The following PHF2 variants were observed in gnomAD, a reference collection of about 807,000 sequenced individuals.
PHF2 encodes the protein lysine-specific demethylase PHF2.
A neutral mutation model predicts 120.5 loss-of-function variants in PHF2; 27 were observed. The ratio of observed to expected loss-of-function variants is 0.22; its 90% CI spans 0.17 to 0.31. The LOEUF is 0.31. Ranked by LOEUF, PHF2 falls within the 10% of genes least tolerant of loss-of-function variation. The pLI is 1.00. For synonymous variants in PHF2, 568 were observed against 592.5 expected (o/e 0.96, Z 0.60); for missense variants, 1,024 against 1,434.8 (o/e 0.71, Z 4.63).
intron 1 of PHF2, among the ~76,000 whole-genome samples, chr9:93,601,901 A>G (rs970274927): frequency 5.8e-5 from 8 of 137,792 alleles, no homozygotes; most frequent in African/African-American, 2.1e-4. Context: ...AGGTTTTCTC[A>G]TGGGGATCTC....
chr9:93,649,977 ACT>A (rs1381993458), intron 5 of PHF2, among the ~76,000 whole-genome samples: 3 of 151,440 alleles, frequency 2.0e-5, no homozygotes, highest in Non-Finnish European at 2.9e-5. Flanking sequence ...CATGACACAC[ACT>A]CAGTACTCAC....
intron 1 of PHF2, among the ~76,000 whole-genome samples, chr9:93,592,855 G>A (rs1417143113): frequency 6.6e-6 from 1 of 152,074 alleles, no homozygotes; most frequent in Non-Finnish European, 1.5e-5. Flanking sequence ...GTTGTTAGAA[G>A]TATTGCTAGA....
intron 1 of PHF2, among the ~76,000 whole-genome samples, chr9:93,609,104 T>TTTTTTTTTTTTTTTTTTTTTGAG (rs1564379539): frequency 3.3e-5 from 5 of 149,754 alleles, no homozygotes; most frequent in Non-Finnish European, 6.0e-5. Context: ...GTGGTTGTTT[T>TTTTTTTTTTTTTTTTTTTTTGAG]AAAATGTGCG....
intron 5 of PHF2, among the ~76,000 whole-genome samples, chr9:93,649,497 C>T (rs1027915794): frequency 6.6e-6 from 1 of 151,170 alleles, no homozygotes; most frequent in African/African-American, 2.4e-5. Context: ...GGCAAAGCCT[C>T]CTCTGGTCTT....
rs1357567214 is a variant in PHF2, at chr9:93,666,039, G to T, written c.2166G>T (p.Lys722Asn). 1.9e-6 allele frequency: 3 copies of T among 1,613,178 alleles called. No homozygotes were observed. The highest frequency in any genetic ancestry group is 1.7e-6 in the Non-Finnish European group (2 of 1,179,604). Residue 722 changes from lysine (K) to asparagine (N), a missense_variant, in exon 16 of 22, where the codon AAG becomes AAT. Around this residue, in one of 2 missense-constraint regions of PHF2, gnomAD observed 677 missense variants for 857.4 expected, o/e 0.79. Transcript: ENST00000359246. ...TGCCCACGCCTGTCACGAAGCCAAA[G>T]CTGGACTCGGCAGCGTACAAGGTGA... ...AVLPTPVTKP[K>N]LDSAAYKSDD...
intron 1 of PHF2, among the ~76,000 whole-genome samples, chr9:93,629,218 A>G (rs1286083990): frequency 6.6e-6 from 1 of 152,086 alleles, no homozygotes; most frequent in Admixed American, 6.6e-5. Flanking sequence ...ACTTTTAACT[A>G]AAAAAAGTAT....
intron 1 of PHF2, among the ~76,000 whole-genome samples, chr9:93,624,669 ATGG>A (rs1275538584): frequency 8.8e-6 from 1 of 114,098 alleles, no homozygotes; most frequent in Non-Finnish European, 1.8e-5. Flanking sequence ...GTTGGTGGTG[ATGG>A]TGATGATGAT....
intron 1 of PHF2, among the ~76,000 whole-genome samples, chr9:93,626,416 T>G (rs150733847): frequency 9.8e-5 from 15 of 152,376 alleles, no homozygotes; most frequent in African/African-American, 3.6e-4. Flanking sequence ...TACCTGTTTA[T>G]TAATCGGATT....
At position 93,677,108 on chromosome 9, in the gene PHF2, A is replaced by G; in HGVS notation, c.3202+145A>G. ...TTGGGTGGCAGGGTGCTGTGGTCCA[A>G]GTTGGTTGCATCTTTGTGTGAGCGT... is the stretch of plus-strand genomic sequence containing the variant. On this transcript the variant is annotated intron_variant, in intron 21 of 21. Transcript: ENST00000359246. The surrounding 1 kb of genome is among the most constrained non-coding windows in gnomAD (Gnocchi z 4.4). 1 of 837,928 alleles carries G rather than the reference A, an allele frequency of 1.2e-6. No individual in the cohort carries two copies. Among genetic ancestry groups the G allele is most frequent in the Non-Finnish European group, 1.8e-6 (1 of 555,928 alleles). 51.9% of individuals were successfully genotyped at this position (837,928 alleles called of 1,614,324 possible).
chr9:93,595,562 G>T (rs1267532306), intron 1 of PHF2, among the ~76,000 whole-genome samples: 3 of 152,218 alleles, frequency 2.0e-5, no homozygotes, highest in African/African-American at 7.2e-5. Flanking sequence ...AGCTGTGTCT[G>T]GAATGCCTGC....
At chr9:93,637,332 C>G (rs181008491) in intron 3 of PHF2, among the ~76,000 whole-genome samples, 28 of 152,220 alleles carry the variant, frequency 1.8e-4, no homozygotes, top group African/African-American at 6.7e-4. Flanking sequence ...ACAAATAATA[C>G]AGTTCACCCA....
At chr9:93,633,672 G>A (rs889768262) in intron 2 of PHF2, among the ~76,000 whole-genome samples, 3 of 152,222 alleles carry the variant, frequency 2.0e-5, no homozygotes, top group African/African-American at 7.2e-5. Context: ...GGCCTCAGTT[G>A]CTTCATCTGT....
At chr9:93,647,655 TGAG>T (rs1293340903) in intron 4 of PHF2, among the ~76,000 whole-genome samples, 1 of 152,148 alleles carries the variant, frequency 6.6e-6, no homozygotes, top group East Asian at 1.9e-4. Context: ...TTTAGGAGGC[TGAG>T]GTGGGTGGAT....
Position 93,677,687 on chromosome 9 carries a change from G to C in PHF2, c.*11G>C. ...AAACTACTCCTTTAAGATTTGGAAA[G>C]CCAGGATCCTTCTGCTCCGCTCAGG... On this transcript the variant is annotated 3_prime_UTR_variant, in exon 22 of 22. Coordinates refer to ENST00000359246, the MANE Select transcript of PHF2 (RefSeq NM_005392.4). The surrounding 1 kb of genome is among the most constrained non-coding windows in gnomAD (Gnocchi z 4.4). The C allele has an allele frequency of 6.2e-7, 1 of 1,607,678 alleles. No homozygotes were observed. Among genetic ancestry groups the C allele is most frequent in the East Asian group, 2.2e-5 (1 of 44,824 alleles).
chr9:93,610,761 C>T (rs1825620625), intron 1 of PHF2, among the ~76,000 whole-genome samples: 1 of 152,174 alleles, frequency 6.6e-6, no homozygotes, highest in Admixed American at 6.5e-5. Flanking sequence ...TATGCTTGCC[C>T]CCCTGCTTCC....
chr9:93,661,527 A>G (rs1451202284), intron 12 of PHF2, among the ~76,000 whole-genome samples: 1 of 152,160 alleles, frequency 6.6e-6, no homozygotes, highest in Non-Finnish European at 1.5e-5. Context: ...GAATGGATGA[A>G]TAGATGAATG....
chr9:93,613,056 T>C (rs974719564), intron 1 of PHF2, among the ~76,000 whole-genome samples: 34 of 152,242 alleles, frequency 2.2e-4, no homozygotes, highest in African/African-American at 6.5e-4. Context: ...TTTAGCTGTC[T>C]GGGGCTATTG....
intron 1 of PHF2, among the ~76,000 whole-genome samples, chr9:93,592,413 C>G (rs953876778): frequency 6.6e-6 from 1 of 151,460 alleles, no homozygotes; most frequent in African/African-American, 2.4e-5. Context: ...GCATCCTTTG[C>G]CTAGTGATTT....
chr9:93,674,825 G>T, intron 18 of PHF2, 102 bp from the exon 19 acceptor site: 2 of 771,732 alleles, frequency 2.6e-6, no homozygotes, highest in South Asian at 3.1e-5. Flanking sequence ...AGGCCCTGGG[G>T]TTGCTGGCGA....
Sources: allele counts gnomAD v4.1 joint callset (sites outside exome capture counted in the v4.1 genomes callset), GRCh38; gene constraint gnomAD v4.1.1; regional missense constraint gnomAD v4.1.1; non-coding constraint Gnocchi (gnomAD v3.1); transcripts MANE v1.5; gene names NCBI Gene and HGNC (gene_info 2026-07-23, HGNC 2026-07-21).